Variants in NRGN observed in about 807,000 individuals in gnomAD.
NRGN encodes the protein calmodulin-binding protein.
For synonymous variants in NRGN, 47 were observed against 52.8 expected, an observed-to-expected ratio of 0.89 and a Z score of 0.47; for missense variants, 82 against 123.0, an observed-to-expected ratio of 0.67 and a Z score of 1.58.
intron 1 of NRGN, chr11:124,744,649 G>A (rs1943994093): frequency 6.6e-6 from 1 of 152,180 alleles, no homozygotes; most frequent in South Asian, 2.1e-4. Context: ...GTACGTAATA[G>A]CTTTATTTTG....
chr11:124,743,945 C>G (rs1308629392), intron 1 of NRGN, among the ~76,000 whole-genome samples: 1 of 147,960 alleles, frequency 6.8e-6, no homozygotes, highest in East Asian at 2.0e-4. Context: ...GCCAGTGAGC[C>G]AGATCAAAGG....
chr11:124,742,378 C>A (rs750404275), intron 1 of NRGN, among the ~76,000 whole-genome samples: 2 of 152,086 alleles, frequency 1.3e-5, no homozygotes, highest in Admixed American at 1.3e-4. Context: ...CTCCTTGGTA[C>A]AGAGGCTCAG....
At chr11:124,746,084 G>A (rs1041737528) in intron 3 of NRGN, 102 bp downstream of exon 3, 4 of 190,188 alleles carry the variant, frequency 2.1e-5, no homozygotes, top group African/African-American at 9.4e-5. Context: ...CCTCCCAGCC[G>A]GGGAAAATGC....
At chr11:124,742,155 T>G (rs1943970867) in intron 1 of NRGN, among the ~76,000 whole-genome samples, 1 of 151,774 alleles carries the variant, frequency 6.6e-6, no homozygotes, top group East Asian at 1.9e-4. Flanking sequence ...GTGTGGAGGG[T>G]TGGGGAAGGG....
rs375902119 is a variant in NRGN, at chr11:124,747,101, C to A, written c.*721C>A. ...CCCCGCCCCTGTCGGTCCCGCCCTC[C>A]CCCCCGCCGGGCTCCTGGGGCTGTG... On this transcript the variant is annotated 3_prime_UTR_variant, in exon 4 of 4. Coordinates refer to ENST00000284292, the MANE Select transcript of NRGN (RefSeq NM_006176.3). 9 of 153,532 alleles carry A rather than the reference C, an allele frequency of 5.9e-5. No individual in the cohort carries two copies. The South Asian group carries it at 1.8e-3, about 31-fold the overall frequency. 9.5% of individuals were successfully genotyped at this position (153,532 alleles called of 1,614,324 possible). A position where few individuals can be genotyped will look rare whatever the true frequency, so the allele number is the denominator to read the frequency against.
chr11:124,740,099 C>T lies in NRGN; in HGVS notation c.15C>T (p.Thr5=). Residue 5 remains threonine, a splice_region_variant and synonymous_variant, in exon 1 of 4, where the codon ACC becomes ACT. Transcript: ENST00000284292. This position sits in a 1 kb window ranked among gnomAD's most constrained non-coding sequence, Gnocchi z 7.5. MDCC[T]ENACSKPDDD... is the part of the protein sequence containing the mutation. Reference sequence around the variant, plus strand: ...CCGACACCAGCATGGACTGCTGCACCGTAAGTTAGAGGGCCCGGGGGAGGG... The same window carrying T: ...CCGACACCAGCATGGACTGCTGCACTGTAAGTTAGAGGGCCCGGGGGAGGG... 3.0e-6 allele frequency: 4 copies of T among 1,345,758 alleles called. No individual in the cohort carries two copies. Among genetic ancestry groups the T allele is most frequent in the Non-Finnish European group, 3.8e-6 (4 of 1,043,714 alleles). 83.4% of individuals were successfully genotyped at this position (1,345,758 alleles called of 1,614,324 possible).
Position 124,745,416 on chromosome 11 carries a change from T to C in NRGN, c.16-87T>C. The C allele has an allele frequency of 2.0e-6, 2 of 991,548 alleles. No individual in the cohort carries two copies. The highest frequency in any genetic ancestry group is 1.4e-6 in the Non-Finnish European group (1 of 692,088). The allele number at this position is 991,548 out of a possible 1,614,324, so 61.4% of individuals were successfully genotyped here. On this transcript the variant is annotated intron_variant, in intron 1 of 3. Coordinates refer to ENST00000284292, the MANE Select transcript of NRGN (RefSeq NM_006176.3). The surrounding 1 kb of genome is among the most constrained non-coding windows in gnomAD (Gnocchi z 6.4). Reference sequence around the variant, plus strand: ...ACCTCCCACCCCCGCGTCGCCATAGTCCCTGTCCCTCAGGGCTCTATTCCT... The same window carrying C: ...ACCTCCCACCCCCGCGTCGCCATAGCCCCTGTCCCTCAGGGCTCTATTCCT...
chr11:124,744,257 TAATGTTATTTTTAAGACAAGCATAA>T (rs1261418099), intron 1 of NRGN, among the ~76,000 whole-genome samples: 2 of 152,262 alleles, frequency 1.3e-5, no homozygotes, highest in East Asian at 3.8e-4. Context: ...CACATTAACT[TAATGTTATTTTTAAGACAAGCATAA>T]AAGCTACCAT....
chr11:124,745,640 C>T lies in NRGN; in HGVS notation c.153C>T (p.Arg51=), dbSNP rs377334583. The part of the protein sequence containing the change: ...MARKKIKSGE[R]GRKGPGPGGP... ...GGAAGAAGATAAAGAGCGGAGAGCG[C>T]GGCCGGAAGGGCCCGGGCCCTGGGG... Residue 51 remains arginine (R), a synonymous_variant, in exon 2 of 4, where the codon CGC becomes CGT. Coordinates refer to ENST00000284292, the MANE Select transcript of NRGN (RefSeq NM_006176.3). This position sits in a 1 kb window ranked among gnomAD's most constrained non-coding sequence, Gnocchi z 6.4. 1.9e-6 allele frequency: 3 copies of T among 1,580,168 alleles called. No individual in the cohort carries two copies. The African/African-American group carries it at 4.1e-5, about 22-fold the overall frequency.
In NRGN at chr11:124,745,419, C is replaced by A; in HGVS notation, c.16-84C>A. On this transcript the variant is annotated intron_variant, in intron 1 of 3. Transcript: ENST00000284292. This position sits in a 1 kb window ranked among gnomAD's most constrained non-coding sequence, Gnocchi z 6.4. ...TCCCACCCCCGCGTCGCCATAGTCC[C>A]TGTCCCTCAGGGCTCTATTCCTACC... The A allele has an allele frequency of 9.6e-7, 1 of 1,041,410 alleles. No individual in the cohort carries two copies. The highest frequency in any genetic ancestry group is 1.4e-6 in the Non-Finnish European group (1 of 735,716). The allele number at this position is 1,041,410 out of a possible 1,614,324, so 64.5% of individuals were successfully genotyped here.
Position 124,741,104 on chromosome 11 carries a change from A to C in NRGN, c.15+1005A>C, listed in dbSNP as rs1037942780. On this transcript the variant is annotated intron_variant, in intron 1 of 3. Transcript: ENST00000284292. ...TGAGACTTTCCCATGTCTGGGTACC[A>C]AGAGGCAGAGAACACTTAGGGGCAA... 2.0e-5 allele frequency among the ~76,000 whole-genome samples: 3 copies of C among 152,240 alleles called. No homozygotes were observed. The South Asian group carries it at 6.2e-4, about 31-fold the overall frequency.
chr11:124,745,057 T>A lies in NRGN; in HGVS notation c.16-446T>A, dbSNP rs1943997326. Among the ~76,000 whole-genome samples the A allele has an allele frequency of 3.3e-5, 5 of 152,244 alleles. No individual in the cohort carries two copies. The South Asian group carries it at 1.0e-3, about 32-fold the overall frequency. On this transcript the variant is annotated intron_variant, in intron 1 of 3. Transcript: ENST00000284292. The surrounding 1 kb of genome is among the most constrained non-coding windows in gnomAD (Gnocchi z 6.4). ...GGGGAGAGGGCTGGCGGACTGAGGC[T>A]TCTCCATCCTCTCCACGGAAAACCC...
intron 3 of NRGN, 161 bp from the exon 4 acceptor site, chr11:124,746,243 C>T (rs1403976273): frequency 6.6e-6 from 1 of 152,580 alleles, no homozygotes; most frequent in Non-Finnish European, 1.5e-5. Context: ...ACGTACCTGC[C>T]GCGGGGCTCA....
rs1320319474 is a variant in NRGN at position 124,745,482 on chromosome 11, AC to A, written c.16-15del. Reference sequence around the variant, plus strand: ...ATCAAGACCCAGTGACCCCACAAGAACCCCCCTGCTTCGCCCCCAGGAGAAC... The same window carrying A: ...ATCAAGACCCAGTGACCCCACAAGAACCCCCTGCTTCGCCCCCAGGAGAAC... On this transcript the variant is annotated intron_variant, in intron 1 of 3. Transcript: ENST00000284292. The surrounding 1 kb of genome is among the most constrained non-coding windows in gnomAD (Gnocchi z 6.4). The A allele has an allele frequency of 2.6e-6, 4 of 1,542,564 alleles. No individual in the cohort carries two copies. Among genetic ancestry groups the A allele is most frequent in the South Asian group, 2.4e-5 (2 of 84,352 alleles).
At chr11:124,743,946 A>G (rs925413839) in intron 1 of NRGN, among the ~76,000 whole-genome samples, 3 of 151,990 alleles carry the variant, frequency 2.0e-5, no homozygotes, top group Admixed American at 1.3e-4. Context: ...CCAGTGAGCC[A>G]GATCAAAGGA....
chr11:124,746,786 G>T lies in NRGN; in HGVS notation c.*406G>T, dbSNP rs11540078. ...AAGCACACTCACTTAAAGAAAAAAC[G>T]AGTTCTTTCGTTCTGTGCGCAGCTA... On this transcript the variant is annotated 3_prime_UTR_variant, in exon 4 of 4. Transcript: ENST00000284292. 5 of 152,330 alleles carry T rather than the reference G, an allele frequency of 3.3e-5. No homozygotes were observed. The highest frequency in any genetic ancestry group is 5.9e-5 in the Non-Finnish European group (4 of 68,038). The allele number at this position is 152,330 out of a possible 1,614,324, so 9.4% of individuals were successfully genotyped here. A position where few individuals can be genotyped will look rare whatever the true frequency, so the allele number is the denominator to read the frequency against.
At position 124,740,208 on chromosome 11, in the gene NRGN, G is replaced by A; in HGVS notation, c.15+109G>A. On this transcript the variant is annotated intron_variant, in intron 1 of 3. Coordinates refer to ENST00000284292, the MANE Select transcript of NRGN (RefSeq NM_006176.3). The surrounding 1 kb of genome is among the most constrained non-coding windows in gnomAD (Gnocchi z 7.5). ...GATGGAAGTGGATGCGGAAGACCTA[G>A]GAGCAGAAAGAAAAGGGGTCCTTGC... The A allele has an allele frequency of 5.9e-6, 5 of 845,612 alleles. No homozygotes were observed. Among genetic ancestry groups the A allele is most frequent in the Non-Finnish European group, 8.1e-6 (5 of 618,086 alleles). The allele number at this position is 845,612 out of a possible 1,614,324, so 52.4% of individuals were successfully genotyped here.
Position 124,745,662 on chromosome 11 carries a change from G to T in NRGN, c.175G>T (p.Gly59Trp). ...GCGCGGCCGGAAGGGCCCGGGCCCT[G>T]GGGGGCCTGGCGGAGCTGGGGTGGC... ...GERGRKGPGP[G>W]GPGGAGVARG... Residue 59 changes from glycine (G) to tryptophan (W), a missense_variant, in exon 2 of 4, where the codon GGG becomes TGG. Gly to Trp is a radical substitution (Grantham distance 184). Coordinates refer to ENST00000284292, the MANE Select transcript of NRGN (RefSeq NM_006176.3). The surrounding 1 kb of genome is among the most constrained non-coding windows in gnomAD (Gnocchi z 6.4). The T allele has an allele frequency of 6.6e-7, 1 of 1,511,216 alleles. No homozygotes were observed. The highest frequency in any genetic ancestry group is 8.8e-7 in the Non-Finnish European group (1 of 1,134,392). The allele number at this position is 1,511,216 out of a possible 1,614,324, so 93.6% of individuals were successfully genotyped here.
At chr11:124,743,341 G>A (rs914030169) in intron 1 of NRGN, among the ~76,000 whole-genome samples, 2 of 152,222 alleles carry the variant, frequency 1.3e-5, no homozygotes, top group Non-Finnish European at 2.9e-5. Context: ...AGGAGGAAAG[G>A]TAGGTCAGGA....
Sources: gnomAD v4.1 joint callset for allele counts (sites outside exome capture counted in the v4.1 genomes callset) on GRCh38, gnomAD v4.1.1 for gene constraint, Gnocchi (gnomAD v3.1) non-coding constraint, MANE v1.5 for transcripts, NCBI Gene and HGNC (gene_info 2026-07-23, HGNC 2026-07-21) for gene names.